Variants in DMD observed in about 807,000 individuals in gnomAD.
The protein encoded by DMD is mutant dystrophin.
DMD carries 63 observed loss-of-function variants against 330.1 expected under a neutral mutation model. The ratio of observed to expected loss-of-function variants is 0.19; its 90% CI spans 0.16 to 0.24. DMD has a LOEUF of 0.24. Ranked by LOEUF, DMD falls within the 10% of genes least tolerant of loss-of-function variation. The pLI, the probability that DMD is intolerant of heterozygous loss-of-function variation, is 1.00. For synonymous variants in DMD, 1,223 were observed against 959.8 expected (o/e 1.27, Z -5.07); for missense variants, 3,344 against 2,684.1 (o/e 1.25, Z -5.43).
intron 29 of DMD, among the ~76,000 whole-genome samples, chrX:32,418,289 AG>A (rs1030212769): frequency 3.6e-5 from 4 of 111,461 alleles, no homozygotes; most frequent in Non-Finnish European, 7.5e-5. Flanking sequence ...GCAAAGGCAA[AG>A]GAGAATGATA....
intron 30 of DMD, among the ~76,000 whole-genome samples, chrX:32,402,993 C>T (rs2098095308): frequency 9.0e-6 from 1 of 111,624 alleles, no homozygotes; most frequent in Non-Finnish European, 1.9e-5. Context: ...GACTAAACCT[C>T]AGTGGAATTC....
rs374374549 is a variant in DMD, at chrX:31,496,827, G to A, written c.8508C>T (p.Gly2836=). 4.4e-5 allele frequency: 53 copies of A among 1,210,644 alleles called. No homozygotes were observed. The highest frequency in any genetic ancestry group is 5.5e-5 in the Non-Finnish European group (49 of 895,364). ...DELSRQAPIG[G]DFPAVQKQND... ...TCTGCTTCTGAACTGCTGGAAAGTC[G>A]CCTCCAATAGGTGCCTGCCGGCTTA... Residue 2836 remains glycine, a synonymous_variant, in exon 57 of 79, where the codon GGC becomes GGT. Coordinates refer to ENST00000357033, the MANE Select transcript of DMD (RefSeq NM_004006.3).
intron 2 of DMD, among the ~76,000 whole-genome samples, chrX:32,855,750 G>A: frequency 9.0e-6 from 1 of 111,662 alleles, no homozygotes; most frequent in Non-Finnish European, 1.9e-5. Context: ...CAAGACACTG[G>A]TCTAGGCAAA....
At chrX:32,524,392 G>C (rs1438232193) in intron 17 of DMD, among the ~76,000 whole-genome samples, 1 of 111,955 alleles carries the variant, frequency 8.9e-6, no homozygotes, top group African/African-American at 3.3e-5. Context: ...ACTCCATAAA[G>C]AACAGAGACG....
chrX:32,722,730 A>T (rs918003221), intron 7 of DMD, among the ~76,000 whole-genome samples: 1 of 110,691 alleles, frequency 9.0e-6, no homozygotes, highest in Non-Finnish European at 1.9e-5. Context: ...ATTTTTTAAA[A>T]TTTTTTGGAT....
chrX:31,203,437 C>A (rs2043729334), intron 67 of DMD, among the ~76,000 whole-genome samples: 1 of 109,925 alleles, frequency 9.1e-6, no homozygotes, highest in South Asian at 4.0e-4. Flanking sequence ...GGAAAGAGAA[C>A]GGACAAGAGT....
chrX:32,726,560 C>T (rs186350628), intron 7 of DMD, among the ~76,000 whole-genome samples: 83 of 111,278 alleles, frequency 7.5e-4, no homozygotes, highest in African/African-American at 2.5e-3. Context: ...TAATAAAATT[C>T]AGCTATGGAT....
Position 32,452,371 on chromosome X carries a change from G to A in DMD, c.3603+2291C>T, listed in dbSNP as rs756658927. On this transcript the variant is annotated intron_variant, in intron 26 of 78. Transcript: ENST00000357033. ...GGAAAGGGAAAGGGAAAGGGAAAGGGAAAGGGAAAGGGAAAGGGAAAGGGA... is the reference window on the plus strand; with the variant it reads ...GGAAAGGGAAAGGGAAAGGGAAAGGAAAAGGGAAAGGGAAAGGGAAAGGGA... Among the ~76,000 whole-genome samples, 73 of 16,056 alleles carry A rather than the reference G, an allele frequency of 4.5e-3. 12 individuals are homozygous for A. Among genetic ancestry groups the A allele is most frequent in the Middle Eastern group, 0.019 (1 of 52 alleles). 13.9% of individuals were successfully genotyped at this position (16,056 alleles called of 115,157 possible).
intron 7 of DMD, among the ~76,000 whole-genome samples, chrX:32,771,641 C>G (rs12856390): frequency 0.039 from 4,362 of 110,452 alleles, 206 homozygotes; most frequent in African/African-American, 0.14. Context: ...AGATGCATAA[C>G]AACAATTGGT....
At chrX:32,298,811 A>T (rs1246951173) in intron 42 of DMD, among the ~76,000 whole-genome samples, 3 of 109,564 alleles carry the variant, frequency 2.7e-5, no homozygotes, top group African/African-American at 1.0e-4. Flanking sequence ...CCAACAGAGA[A>T]GGCACCCAGC....
chrX:31,416,784 C>T (rs765521530), intron 60 of DMD, among the ~76,000 whole-genome samples: 32 of 112,009 alleles, frequency 2.9e-4, no homozygotes, highest in African/African-American at 1.0e-3. Flanking sequence ...AATAGTTGCA[C>T]GTGACCTAAA....
At chrX:33,198,954 A>T (rs966744142) in intron 1 of DMD, among the ~76,000 whole-genome samples, 14 of 102,620 alleles carry the variant, frequency 1.4e-4, no homozygotes, top group African/African-American at 5.0e-4. Flanking sequence ...TACTGTAGAT[A>T]AAAAAAAAAA....
chrX:31,580,130 C>T (rs1314211135), intron 55 of DMD, among the ~76,000 whole-genome samples: 1 of 111,924 alleles, frequency 8.9e-6, no homozygotes, highest in Non-Finnish European at 1.9e-5. Context: ...ACCTGCTTAG[C>T]AACCTTAATT....
At chrX:32,742,614 G>A (rs1418538269) in intron 7 of DMD, among the ~76,000 whole-genome samples, 1 of 111,601 alleles carries the variant, frequency 9.0e-6, no homozygotes, top group Non-Finnish European at 1.9e-5. Context: ...AGGGTTTAGA[G>A]GAGAGTAAAT....
At chrX:32,162,345 A>T (rs914572395) in intron 44 of DMD, among the ~76,000 whole-genome samples, 2 of 110,891 alleles carry the variant, frequency 1.8e-5, no homozygotes, top group Non-Finnish European at 3.8e-5. Flanking sequence ...CTCATACAGA[A>T]GTGCCAGAGT....
intron 7 of DMD, among the ~76,000 whole-genome samples, chrX:32,781,366 G>C (rs958021010): frequency 9.0e-6 from 1 of 111,544 alleles, no homozygotes; most frequent in Non-Finnish European, 1.9e-5. Context: ...TACAATCAAA[G>C]TGAAACATGA....
At chrX:33,293,150 G>A (rs952958125) in intron 1 of DMD, among the ~76,000 whole-genome samples, 5 of 111,199 alleles carry the variant, frequency 4.5e-5, no homozygotes, top group Non-Finnish European at 7.6e-5. Flanking sequence ...TCACTAGTAA[G>A]TATGCTCTGT....
intron 44 of DMD, among the ~76,000 whole-genome samples, chrX:32,096,749 A>T (rs1402998085): frequency 9.0e-6 from 1 of 111,389 alleles, no homozygotes; most frequent in Non-Finnish European, 1.9e-5. Flanking sequence ...ACATCATTCA[A>T]TCACTTAAAA....
At chrX:32,061,113 G>C (rs891408042) in intron 44 of DMD, among the ~76,000 whole-genome samples, 4 of 111,095 alleles carry the variant, frequency 3.6e-5, no homozygotes, top group Admixed American at 2.9e-4. Flanking sequence ...AGCTCAATGA[G>C]AACCATAACC....
Sources: gnomAD v4.1 joint callset for allele counts (sites outside exome capture counted in the v4.1 genomes callset) on GRCh38, gnomAD v4.1.1 for gene constraint, MANE v1.5 for transcripts, NCBI Gene and HGNC (gene_info 2026-07-23, HGNC 2026-07-21) for gene names.